The following SVEP1 variants were observed in gnomAD, a reference collection of about 807,000 sequenced individuals.
SVEP1 encodes the protein sushi, von Willebrand factor type A, EGF and pentraxin domain-containing protein 1.
A neutral mutation model predicts 367.3 loss-of-function variants in SVEP1; 164 were observed. The ratio of observed to expected loss-of-function variants is 0.45; its 90% confidence interval spans 0.39 to 0.51. The LOEUF (loss-of-function observed/expected upper bound fraction) is 0.51. SVEP1 is among the 20% of genes least tolerant of loss of function. SVEP1 has a pLI of 0.00. For synonymous variants in SVEP1, 1,666 were observed against 1,611.6 expected (o/e 1.03, Z -0.81); for missense variants, 4,117 against 4,425.3 (o/e 0.93, Z 1.98).
At chr9:110,387,737 G>C (rs10118935) in intron 41 of SVEP1, among the ~76,000 whole-genome samples, 9,814 of 151,932 alleles carry the variant, frequency 0.065, 533 homozygotes, top group African/African-American at 0.15. Flanking sequence ...TGAGCAGGTG[G>C]GTAAAATAAA....
chr9:110,530,913 A>G (rs1420110402), intron 3 of SVEP1, among the ~76,000 whole-genome samples: 1 of 152,172 alleles, frequency 6.6e-6, no homozygotes, highest in Non-Finnish European at 1.5e-5. Flanking sequence ...TTTTCTTTCA[A>G]ATTATTCTTA....
chr9:110,486,851 G>A (rs1024724081), intron 9 of SVEP1, among the ~76,000 whole-genome samples: 1 of 151,830 alleles, frequency 6.6e-6, no homozygotes, highest in Non-Finnish European at 1.5e-5. Flanking sequence ...CAACATGTTG[G>A]CCAGGCTGGT....
rs976078932 is a variant in SVEP1 at position 110,479,788 on chromosome 9, G to C, written c.2366-32C>G. The stretch of plus-strand genomic sequence containing the variant: ...AATGTTGGACAAAACAGCTTCAGTT[G>C]GTTAGTGTTTTTAAAACAAAGATTT... On this transcript the variant is annotated intron_variant, in intron 12 of 47. Transcript: ENST00000374469. The C allele has an allele frequency of 7.6e-6, 12 of 1,576,394 alleles. No individual in the cohort carries two copies. In the Admixed American group the frequency reaches 2.0e-4, roughly 27 times the overall value.
intron 6 of SVEP1, 55 bp from the exon 7 acceptor site, chr9:110,499,293 C>A: frequency 6.6e-7 from 1 of 1,515,314 alleles, no homozygotes; most frequent in Middle Eastern, 1.8e-4. Flanking sequence ...TTGGAAATGC[C>A]ATGGATTCTT....
chr9:110,471,716 T>C lies in SVEP1; in HGVS notation c.2765-119A>G, dbSNP rs577603147. On this transcript the variant is annotated intron_variant, in intron 15 of 47. Transcript: ENST00000374469. ...TCTTTTAGTACTAATAAGTGGTCTA[T>C]AGAAAAAAAATAAAAATCTTTCAGG... 14 of 724,592 alleles carry C rather than the reference T, an allele frequency of 1.9e-5. No homozygotes were observed. The African/African-American group carries it at 2.1e-4, about 11-fold the overall frequency. 44.9% of individuals were successfully genotyped at this position (724,592 alleles called of 1,614,324 possible).
chr9:110,528,156 G>GTGTATATATATATA, intron 3 of SVEP1, among the ~76,000 whole-genome samples: 1,116 of 33,808 alleles, frequency 0.033, 41 homozygotes, highest in Non-Finnish European at 0.042. Flanking sequence ...GTGTGTGTGT[G>GTGTATATATATATA]TATATATATA....
intron 24 of SVEP1, among the ~76,000 whole-genome samples, chr9:110,448,150 C>T (rs9722162): frequency 0.35 from 22,391 of 64,004 alleles, 2,119 homozygotes; most frequent in East Asian, 0.6. Context: ...TGTGTGTGTG[C>T]GCGTGTGTGT....
At chr9:110,548,769 C>T (rs1246447789) in intron 2 of SVEP1, among the ~76,000 whole-genome samples, 1 of 152,148 alleles carries the variant, frequency 6.6e-6, no homozygotes, top group Non-Finnish European at 1.5e-5. Context: ...TAAGTCCTTG[C>T]TCACTTCACT....
Position 110,407,875 on chromosome 9 carries a change from A to G in SVEP1, c.7725T>C (p.Gly2575=), listed in dbSNP as rs375504558. 5.0e-6 allele frequency: 8 copies of G among 1,613,910 alleles called. No individual in the cohort carries two copies. In the African/African-American group the frequency reaches 1.1e-4, roughly 22 times the overall value. ...GGAAGCAACTGTAGATGATTATGGC[A>G]CCATAGCTGTAATCTGCACCTTCTA... is the stretch of plus-strand genomic sequence containing the variant. ...GFVEGADYSY[G]AIIIYSCFPG... is the part of the protein sequence containing the mutation. The change falls in exon 38 of 48, where the codon GGT becomes GGC. Residue 2575 remains glycine, a synonymous_variant. Transcript: ENST00000374469.
At chr9:110,401,055 C>G in intron 39 of SVEP1, 46 bp from the exon 40 acceptor site, 3 of 1,592,094 alleles carry the variant, frequency 1.9e-6, no homozygotes, top group Non-Finnish European at 2.6e-6. Flanking sequence ...GAAGTTAATA[C>G]ATATGAATGA....
intron 16 of SVEP1, 113 bp from the exon 17 acceptor site, chr9:110,469,214 A>C: frequency 3.6e-6 from 4 of 1,112,258 alleles, no homozygotes; most frequent in Non-Finnish European, 5.0e-6. Context: ...GCTATTGTTT[A>C]TGGGTTAAAT....
chr9:110,458,159 T>A (rs989193917), intron 20 of SVEP1: 3 of 557,186 alleles, frequency 5.4e-6, no homozygotes, highest in Non-Finnish European at 1.0e-5. Flanking sequence ...CCAAATTCTC[T>A]TACTCAAATG....
intron 26 of SVEP1, 107 bp from the exon 27 acceptor site, chr9:110,443,827 T>C: frequency 1.0e-6 from 1 of 971,976 alleles, no homozygotes; most frequent in Non-Finnish European, 1.4e-6. Flanking sequence ...GTGGGTAAAG[T>C]ACTTTGTGTA....
intron 46 of SVEP1, among the ~76,000 whole-genome samples, chr9:110,370,484 G>A (rs923402030): frequency 3.3e-5 from 5 of 152,104 alleles, no homozygotes; most frequent in African/African-American, 9.7e-5. Flanking sequence ...TAAGTCAGAC[G>A]TCAACTTTTA....
intron 3 of SVEP1, among the ~76,000 whole-genome samples, chr9:110,522,208 A>T (rs2118793915): frequency 6.6e-6 from 1 of 152,320 alleles, no homozygotes; most frequent in South Asian, 2.1e-4. Context: ...AACCTAGATT[A>T]GATCCATCCC....
intron 23 of SVEP1, 141 bp downstream of exon 23, chr9:110,451,148 A>AGGACTTTCTCTTACATAATGAG: frequency 1.5e-6 from 1 of 664,206 alleles, no homozygotes; most frequent in East Asian, 2.8e-5. Context: ...ATTTCCTCAG[A>AGGACTTTCTCTTACATAATGAG]AAATGAGGAC....
chr9:110,477,041 G>T (rs565521903), intron 13 of SVEP1, among the ~76,000 whole-genome samples: 1 of 152,184 alleles, frequency 6.6e-6, no homozygotes, highest in East Asian at 1.9e-4. Context: ...ATAGTTCTTG[G>T]TGATTTCTAT....
intron 9 of SVEP1, among the ~76,000 whole-genome samples, chr9:110,488,743 A>G (rs1054686737): frequency 9.9e-5 from 15 of 152,076 alleles, no homozygotes; most frequent in African/African-American, 3.6e-4. Flanking sequence ...GTGTGGTGGC[A>G]CATGCCTGTA....
Position 110,408,052 on chromosome 9 carries a change from ATAGTGTAGGTCCGTG to A in SVEP1, c.7533_7547del (p.Thr2512_Tyr2516del). 6.2e-7 allele frequency: 1 copy of A among 1,614,016 alleles called. No homozygotes were observed. Among genetic ancestry groups the A allele is most frequent in the African/African-American group, 1.3e-5 (1 of 75,064 alleles). ...TGCAAGAGTAGGTAACGGTCTGTCC[ATAGTGTAGGTCCGTG>A]TAAGAGAATTTGCCATTCAAAATCT... is the stretch of plus-strand genomic sequence containing the variant. On this transcript the variant is annotated inframe_deletion, in exon 38 of 48. Coordinates refer to ENST00000374469, the MANE Select transcript of SVEP1 (RefSeq NM_153366.4).
Sources: allele counts gnomAD v4.1 joint callset (sites outside exome capture counted in the v4.1 genomes callset), GRCh38; gene constraint gnomAD v4.1.1; transcripts MANE v1.5; gene names NCBI Gene and HGNC (gene_info 2026-07-23, HGNC 2026-07-21).